Variants in VPS53 observed in about 807,000 individuals in gnomAD.
VPS53 encodes the protein vacuolar protein sorting-associated protein 53 homolog.
Under a neutral mutation model 107.0 loss-of-function variants are expected in VPS53, and 70 were observed. The observed-to-expected ratio is 0.65, with a 90% CI of 0.54 to 0.80. The LOEUF (loss-of-function observed/expected upper bound fraction) is 0.80. Among genes scored for constraint, VPS53 ranks in the 30% least tolerant of loss-of-function variants. The pLI is 0.00. For synonymous variants in VPS53, 409 were observed against 393.3 expected (o/e 1.04, Z -0.47); for missense variants, 917 against 1,049.4 (o/e 0.87, Z 1.74).
chr17:707,586 T>C (rs1973462079), intron 2 of VPS53, among the ~76,000 whole-genome samples: 1 of 148,926 alleles, frequency 6.7e-6, no homozygotes. Flanking sequence ...CAGTGGCTCA[T>C]GCCTGTAATC....
intron 5 of VPS53, among the ~76,000 whole-genome samples, chr17:658,831 T>C (rs1326137596): frequency 6.6e-6 from 1 of 152,188 alleles, no homozygotes; most frequent in African/African-American, 2.4e-5. Context: ...AGTGAGACAC[T>C]CGGCCGTGAG....
At chr17:605,095 G>A (rs1431021594) in intron 11 of VPS53, among the ~76,000 whole-genome samples, 1 of 152,218 alleles carries the variant, frequency 6.6e-6, no homozygotes, top group African/African-American at 2.4e-5. Context: ...GGATGCCTCA[G>A]AGTGAAATAT....
intron 4 of VPS53, among the ~76,000 whole-genome samples, chr17:672,151 C>A (rs948196017): frequency 7.8e-5 from 11 of 140,468 alleles, no homozygotes; most frequent in Non-Finnish European, 1.7e-4. Flanking sequence ...CACACACACA[C>A]AATCTCTCTC....
At chr17:631,459 C>A in intron 8 of VPS53, 91 bp downstream of exon 8, 1 of 1,366,844 alleles carries the variant, frequency 7.3e-7, no homozygotes, top group Non-Finnish European at 1.0e-6. Context: ...GCGAGCATGA[C>A]TGGAATGATA....
At chr17:698,334 G>A (rs535094325) in intron 3 of VPS53, among the ~76,000 whole-genome samples, 1 of 151,670 alleles carries the variant, frequency 6.6e-6, no homozygotes, top group East Asian at 1.9e-4. Context: ...TTGGGTGGCT[G>A]AGGCTCAAGA....
chr17:679,892 A>G (rs1972321322), intron 4 of VPS53, among the ~76,000 whole-genome samples: 1 of 152,184 alleles, frequency 6.6e-6, no homozygotes, highest in African/African-American at 2.4e-5. Context: ...TCACACCTGT[A>G]ATCCCAGCAC....
At chr17:667,732 A>C (rs954921835) in intron 4 of VPS53, among the ~76,000 whole-genome samples, 1 of 150,874 alleles carries the variant, frequency 6.6e-6, no homozygotes, top group African/African-American at 2.4e-5. Context: ...AGTGCAGGGG[A>C]CCCCAAGCCC....
chr17:620,179 C>T (rs776364571), intron 11 of VPS53, among the ~76,000 whole-genome samples: 59 of 152,148 alleles, frequency 3.9e-4, no homozygotes, highest in Non-Finnish European at 7.5e-4. Context: ...CTAATAAAGT[C>T]GTGAGTGAGC....
At chr17:672,467 T>C (rs903699432) in intron 4 of VPS53, among the ~76,000 whole-genome samples, 2 of 152,154 alleles carry the variant, frequency 1.3e-5, no homozygotes, top group African/African-American at 2.4e-5. Flanking sequence ...CCACATCTCC[T>C]AGATGGAGTA....
chr17:607,305 T>C (rs773023035), intron 11 of VPS53, among the ~76,000 whole-genome samples: 22 of 152,142 alleles, frequency 1.4e-4, no homozygotes, highest in Non-Finnish European at 2.8e-4. Context: ...AAAGGGCCCA[T>C]CAACTTTGCA....
At chr17:672,109 G>GACACTCACAC (rs1971974216) in intron 4 of VPS53, among the ~76,000 whole-genome samples, 1 of 108,824 alleles carries the variant, frequency 9.2e-6, no homozygotes, top group Admixed American at 1.1e-4. Context: ...TGATGAGGGT[G>GACACTCACAC]ACACACACAC....
At chr17:620,758 C>T (rs1969435614) in intron 11 of VPS53, among the ~76,000 whole-genome samples, 1 of 151,632 alleles carries the variant, frequency 6.6e-6, no homozygotes, top group African/African-American at 2.4e-5. Context: ...CAGCACCCAC[C>T]ACCACGCCTG....
At chr17:603,986 G>A (rs987764086) in intron 11 of VPS53, among the ~76,000 whole-genome samples, 3 of 152,124 alleles carry the variant, frequency 2.0e-5, no homozygotes, top group Non-Finnish European at 4.4e-5. Context: ...TAAGTCTTTT[G>A]GTCCTTTGTA....
intron 16 of VPS53, 136 bp from the exon 17 acceptor site, chr17:552,086 G>T: frequency 4.1e-6 from 3 of 736,958 alleles, no homozygotes; most frequent in Non-Finnish European, 4.3e-6. Flanking sequence ...GACAGCGGAG[G>T]AACAGCTTGG....
At chr17:648,133 G>T (rs1371350362) in intron 7 of VPS53, among the ~76,000 whole-genome samples, 8 of 152,332 alleles carry the variant, frequency 5.3e-5, no homozygotes, top group Middle Eastern at 3.4e-3. Context: ...TCCAGGTCTG[G>T]CCCCCCTCAC....
rs76950678 is a variant in VPS53 at position 554,319 on chromosome 17, G to T, written c.1705-857C>A. Among the ~76,000 whole-genome samples the T allele has an allele frequency of 5.9e-4, 90 of 152,324 alleles. 2 individuals are homozygous for T. The East Asian group carries it at 0.017, about 28-fold the overall frequency. Reference sequence around the variant, plus strand: ...GCTCAAAGAAAAATAACGGGACCAAGACTTGTAAATACTTGGAGATATCCC... The same window carrying T: ...GCTCAAAGAAAAATAACGGGACCAATACTTGTAAATACTTGGAGATATCCC... On this transcript the variant is annotated intron_variant, in intron 15 of 21. Coordinates refer to ENST00000437048, the MANE Select transcript of VPS53 (RefSeq NM_001128159.3).
intron 7 of VPS53, among the ~76,000 whole-genome samples, chr17:652,099 T>C (rs1356745064): frequency 6.6e-6 from 1 of 151,826 alleles, no homozygotes; most frequent in African/African-American, 2.4e-5. Context: ...CAGGTTCAAG[T>C]GACTCCTGCC....
At chr17:562,466 A>G (rs754132057) in intron 14 of VPS53, 37 bp downstream of exon 14, 1 of 1,608,934 alleles carries the variant, frequency 6.2e-7, no homozygotes. Flanking sequence ...ATTTAGGTCT[A>G]TTTGCCACCA....
chr17:519,299 CT>C lies in VPS53; in HGVS notation c.2329-2del. 1 of 1,479,168 alleles carries C rather than the reference CT, an allele frequency of 6.8e-7. No individual in the cohort carries two copies. The allele number at this position is 1,479,168 out of a possible 1,614,324, so 91.6% of individuals were successfully genotyped here. A position where few individuals can be genotyped will look rare whatever the true frequency, so the allele number is the denominator to read the frequency against. ...TGCTCTGCTCACTCCTCTTCAGCCC[CT>C]GAGGTTGAGAGAGAAACAGAACCGT... On this transcript the variant is annotated splice_acceptor_variant, in intron 21 of 21. Transcript: ENST00000437048. LOFTEE classifies it high-confidence loss of function. This position sits in a 1 kb window ranked among gnomAD's most constrained non-coding sequence, Gnocchi z 5.0.
Sources: gnomAD v4.1 joint callset for allele counts (sites outside exome capture counted in the v4.1 genomes callset) on GRCh38, gnomAD v4.1.1 for gene constraint, Gnocchi (gnomAD v3.1) non-coding constraint, MANE v1.5 for transcripts, NCBI Gene and HGNC (gene_info 2026-07-23, HGNC 2026-07-21) for gene names.